Variants in TRPC4AP observed in about 807,000 individuals in gnomAD.
TRPC4AP encodes the protein short transient receptor potential channel 4-associated protein.
TRPC4AP carries 45 observed loss-of-function variants against 99.0 expected under a neutral mutation model. That is an observed-to-expected ratio of 0.45 (90% CI 0.36 to 0.58). The LOEUF is 0.58. Ranked by LOEUF, TRPC4AP falls within the 20% of genes least tolerant of loss-of-function variation. The pLI, the probability that TRPC4AP is intolerant of heterozygous loss-of-function variation, is 0.00. For missense variants in TRPC4AP, 879 were observed against 985.3 expected (o/e 0.89, Z 1.44); for synonymous variants, 408 against 385.8 (o/e 1.06, Z -0.67).
chr20:35,080,595 G>C (rs1388817638), intron 1 of TRPC4AP, among the ~76,000 whole-genome samples: 2 of 149,906 alleles, frequency 1.3e-5, no homozygotes, highest in African/African-American at 4.9e-5. Flanking sequence ...TATATTGTCT[G>C]ATTCTATTAA....
rs950776172 is a variant in TRPC4AP, at chr20:35,004,554, A to G, written c.1953T>C (p.Ser651=). The G allele has an allele frequency of 3.1e-6, 5 of 1,613,914 alleles. No homozygotes were observed. The highest frequency in any genetic ancestry group is 4.2e-6 in the Non-Finnish European group (5 of 1,179,896). Residue 651 remains serine (S), a synonymous_variant, in exon 17 of 19, where the codon TCT becomes TCC. Coordinates refer to ENST00000252015, the MANE Select transcript of TRPC4AP (RefSeq NM_015638.3). The part of the protein sequence containing the change: ...QVDMKVAEVL[S]ECRLLAYISQ... ...ATATGTAGGCGAGCAGGCGGCATTCAGACAGTACCTCGGCAACTGTGGAGG... is the reference window on the plus strand; with the variant it reads ...ATATGTAGGCGAGCAGGCGGCATTCGGACAGTACCTCGGCAACTGTGGAGG...
chr20:35,029,451 A>C (rs1396323947), intron 8 of TRPC4AP, among the ~76,000 whole-genome samples: 1 of 152,002 alleles, frequency 6.6e-6, no homozygotes, highest in Non-Finnish European at 1.5e-5. Flanking sequence ...ATTCACATTT[A>C]ATGTTACTAT....
At chr20:35,092,476 C>G (rs1001927673) in intron 1 of TRPC4AP, 138 bp downstream of exon 1, 5 of 1,036,706 alleles carry the variant, frequency 4.8e-6, no homozygotes, top group African/African-American at 1.7e-5. Context: ...AGCGTCCGGG[C>G]AGCTCACAGG....
chr20:35,035,397 G>C, intron 7 of TRPC4AP, 89 bp from the exon 8 acceptor site: 1 of 1,327,584 alleles, frequency 7.5e-7, no homozygotes, highest in South Asian at 1.5e-5. Context: ...TGCATGATAG[G>C]AATAATTCTT....
intron 3 of TRPC4AP, among the ~76,000 whole-genome samples, chr20:35,061,152 G>A (rs750308390): frequency 3.3e-5 from 5 of 152,042 alleles, no homozygotes; most frequent in African/African-American, 9.7e-5. Context: ...AAGATTTCAC[G>A]ATATGTGATC....
chr20:35,016,176 TG>T (rs747912797), intron 9 of TRPC4AP, 37 bp from the exon 10 acceptor site: 46 of 1,612,960 alleles, frequency 2.9e-5, no homozygotes, highest in Non-Finnish European at 3.7e-5. Context: ...TTAAGACAAA[TG>T]TGCTTGAAAA....
In TRPC4AP at chr20:35,086,511, G is replaced by A. The variant is rs62213718; in HGVS notation, c.168+6103C>T. Among the ~76,000 whole-genome samples the A allele has an allele frequency of 9.7e-4, 37 of 38,262 alleles. 2 individuals are homozygous for A. The highest frequency in any genetic ancestry group is 1.1e-3 in the Non-Finnish European group (18 of 16,150). The allele number at this position is 38,262 out of a possible 152,430, so 25.1% of individuals were successfully genotyped here. A position where few individuals can be genotyped will look rare whatever the true frequency, so the allele number is the denominator to read the frequency against. On this transcript the variant is annotated intron_variant, in intron 1 of 18. Transcript: ENST00000252015. ...TATATATATATGTGTATATATATGT[G>A]TGTGTGTGTATATATGTGTGTGTGT...
intron 1 of TRPC4AP, among the ~76,000 whole-genome samples, chr20:35,084,762 G>GTATATGTATATATGTTTATATGCATATA (rs2084787972): frequency 6.7e-6 from 1 of 149,404 alleles, no homozygotes; most frequent in African/African-American, 2.4e-5. Flanking sequence ...GCATATATAT[G>GTATATGTATATATGTTTATATGCATATA]TATATGTATA....
rs1318734064 is a variant in TRPC4AP, at chr20:35,048,212, G to GT, written c.657+1653dup. ...TTTCATGCTGATTTGTAAGAATTCT[G>GT]TTTTTTTTTTTTTTTTTGAGAGGGA... On this transcript the variant is annotated intron_variant, in intron 6 of 18. Transcript: ENST00000252015. Among the ~76,000 whole-genome samples, 628 of 31,770 alleles carry GT rather than the reference G, an allele frequency of 0.02. 18 individuals are homozygous for GT. In the South Asian group the frequency reaches 0.25, roughly 12 times the overall value. 20.8% of individuals were successfully genotyped at this position (31,770 alleles called of 152,430 possible).
Position 35,008,673 on chromosome 20 carries a change from G to A in TRPC4AP, c.1586C>T (p.Ser529Leu). 3.7e-6 allele frequency: 6 copies of A among 1,613,612 alleles called. No homozygotes were observed. Among genetic ancestry groups the A allele is most frequent in the South Asian group, 1.1e-5 (1 of 91,030 alleles). Residue 529 changes from serine (S) to leucine (L), a missense_variant, in exon 13 of 19, where the codon TCG (serine) becomes TTG (leucine). Around this residue, in one of 3 missense-constraint regions of TRPC4AP, gnomAD observed 52 missense variants for 88.7 expected, o/e 0.59. Coordinates refer to ENST00000252015, the MANE Select transcript of TRPC4AP (RefSeq NM_015638.3). ...TTTTCCCCAGACTCACCTGAAAGAC[G>A]ACTCTGCTGGCTCCTTCTTCATGAC... is the stretch of plus-strand genomic sequence containing the variant. ...LQVMKKEPAE[S>L]SFRFWQARAV... is the part of the protein sequence containing the mutation.
intron 10 of TRPC4AP, among the ~76,000 whole-genome samples, 172 bp downstream of exon 10, chr20:35,015,836 G>C (rs2082742191): frequency 6.6e-6 from 1 of 152,118 alleles, no homozygotes; most frequent in South Asian, 2.1e-4. Flanking sequence ...GTGGGGAGTG[G>C]AGTTCACTCA....
In TRPC4AP at chr20:35,043,514, T is replaced by C. The variant is rs567659453; in HGVS notation, c.865+991A>G. 3.9e-5 allele frequency among the ~76,000 whole-genome samples: 6 copies of C among 152,312 alleles called. No homozygotes were observed. The South Asian group carries it at 8.3e-4, about 21-fold the overall frequency. ...CTCCTGCCTCGGCCTCCCAAAGTGC[T>C]GGGATTACAGGCGTTAAGCCACCGT... is the stretch of plus-strand genomic sequence containing the variant. On this transcript the variant is annotated intron_variant, in intron 7 of 18. Transcript: ENST00000252015.
chr20:35,035,815 GTTTAC>G (rs2083303715), intron 7 of TRPC4AP, among the ~76,000 whole-genome samples: 2 of 74,516 alleles, frequency 2.7e-5, no homozygotes, highest in Admixed American at 3.3e-4. Context: ...CAAAACAGCT[GTTTAC>G]TTGTTAGAGA....
chr20:35,044,400 GAAAAA>G, intron 7 of TRPC4AP, 100 bp downstream of exon 7: 1 of 879,318 alleles, frequency 1.1e-6, no homozygotes, highest in South Asian at 2.0e-5. Flanking sequence ...CTCAAAAAAG[GAAAAA>G]AAAAAAAAAA....
intron 17 of TRPC4AP, 100 bp downstream of exon 17, chr20:35,004,358 C>T (rs916334443): frequency 4.3e-5 from 41 of 964,434 alleles, no homozygotes; most frequent in Non-Finnish European, 5.5e-5. Context: ...TCTCCAGAGA[C>T]GCACTTCTGG....
In TRPC4AP at chr20:35,044,580, G is replaced by C. The variant is rs1292202114; in HGVS notation, c.790C>G (p.His264Asp). The C allele has an allele frequency of 6.2e-7, 1 of 1,614,104 alleles. No individual in the cohort carries two copies. The highest frequency in any genetic ancestry group is 1.1e-5 in the South Asian group (1 of 91,084). Residue 264 changes from histidine to aspartate, a missense_variant, in exon 7 of 19, where the codon CAC becomes GAC. Coordinates refer to ENST00000252015, the MANE Select transcript of TRPC4AP (RefSeq NM_015638.3). ...SEMDTGNDDK[H>D]TLLAKNAQQK... Reference sequence around the variant, plus strand: ...TGAGCATTTTTGGCAAGAAGCGTGTGCTTGTCATCATTCCCTGTATCCATC... The same window carrying C: ...TGAGCATTTTTGGCAAGAAGCGTGTCCTTGTCATCATTCCCTGTATCCATC...
At chr20:35,070,434 G>T (rs2084276886) in intron 2 of TRPC4AP, among the ~76,000 whole-genome samples, 1 of 150,902 alleles carries the variant, frequency 6.6e-6, no homozygotes, top group Non-Finnish European at 1.5e-5. Context: ...TTTTTGAGAG[G>T]GAGTCTCGCT....
intron 8 of TRPC4AP, among the ~76,000 whole-genome samples, chr20:35,026,836 T>C (rs1010345788): frequency 5.3e-5 from 8 of 152,190 alleles, no homozygotes; most frequent in Non-Finnish European, 8.8e-5. Flanking sequence ...AAAATTGTTT[T>C]CTTAATTTTT....
intron 2 of TRPC4AP, among the ~76,000 whole-genome samples, chr20:35,073,589 T>C (rs1447336284): frequency 6.6e-6 from 1 of 152,244 alleles, no homozygotes; most frequent in Non-Finnish European, 1.5e-5. Context: ...GATTTGCATA[T>C]GTTGAACCAG....
Sources: gnomAD v4.1 joint callset for allele counts (sites outside exome capture counted in the v4.1 genomes callset) on GRCh38, gnomAD v4.1.1 for gene constraint, gnomAD v4.1.1 regional missense constraint, MANE v1.5 for transcripts, NCBI Gene and HGNC (gene_info 2026-07-23, HGNC 2026-07-21) for gene names.